SNX8: variants seen among roughly 807,000 people sequenced by gnomAD.
The protein encoded by SNX8 is sorting nexin 8.
In SNX8, 25 loss-of-function variants were observed where a neutral mutation model predicts 51.6. That is an observed-to-expected ratio of 0.48 (90% CI 0.35 to 0.68). SNX8 has a LOEUF of 0.68. Among genes scored for constraint, SNX8 ranks in the 30% least tolerant of loss-of-function variants. The pLI is 0.00. For missense variants in SNX8, 695 were observed against 624.0 expected, an observed-to-expected ratio of 1.11 and a Z score of -1.21; for synonymous variants, 324 against 277.0, an observed-to-expected ratio of 1.17 and a Z score of -1.68.
At chr7:2,259,780 TTC>T (rs984661199) in intron 7 of SNX8, among the ~76,000 whole-genome samples, 2 of 152,256 alleles carry the variant, frequency 1.3e-5, no homozygotes, top group African/African-American at 4.8e-5. Flanking sequence ...TGTAGGCTTA[TTC>T]CCTGGCCCAG....
Position 2,278,259 on chromosome 7 carries a change from C to G in SNX8, c.141G>C (p.Gln47His), listed in dbSNP as rs570348865. Residue 47 changes from glutamine (Q) to histidine (H), a missense_variant, in exon 2 of 11, where the codon CAG becomes CAC. Coordinates refer to ENST00000222990, the MANE Select transcript of SNX8 (RefSeq NM_013321.4). ...QAIEPQAIVQ[Q>H]VPAPSRMQMP... Reference sequence around the variant, plus strand: ...TCTGCATTCGACTGGGGGCTGGGACCTGCTGCACGATGGCCTGGGGCTCGA... The same window carrying G: ...TCTGCATTCGACTGGGGGCTGGGACGTGCTGCACGATGGCCTGGGGCTCGA... 4.4e-6 allele frequency: 7 copies of G among 1,604,650 alleles called. No homozygotes were observed. Among genetic ancestry groups the G allele is most frequent in the African/African-American group, 1.3e-5 (1 of 74,796 alleles).
At chr7:2,282,345 G>A (rs181583500) in intron 1 of SNX8, among the ~76,000 whole-genome samples, 22 of 152,326 alleles carry the variant, frequency 1.4e-4, no homozygotes, top group Non-Finnish European at 2.8e-4. Flanking sequence ...AACTGTGAGA[G>A]GGGGCTGGGC....
intron 1 of SNX8, among the ~76,000 whole-genome samples, chr7:2,345,680 C>CA (rs1236506340): frequency 0.42 from 59,092 of 139,962 alleles, 14,116 homozygotes; most frequent in East Asian, 0.61. Context: ...AGAATCCGTC[C>CA]AAAAAAAAAA....
At chr7:2,323,514 G>A (rs929433187) in intron 1 of SNX8, among the ~76,000 whole-genome samples, 6 of 152,008 alleles carry the variant, frequency 3.9e-5, no homozygotes, top group Admixed American at 1.3e-4. Flanking sequence ...GTCTGTCACC[G>A]GCATGCAGAG....
Position 2,314,416 on chromosome 7 carries a change from A to C in SNX8, c.6T>G (p.Thr2=), listed in dbSNP as rs1014327951. 84 of 1,215,918 alleles carry C rather than the reference A, an allele frequency of 6.9e-5. No homozygotes were observed. Among genetic ancestry groups the C allele is most frequent in the Admixed American group, 1.3e-4 (3 of 23,046 alleles). 75.3% of individuals were successfully genotyped at this position (1,215,918 alleles called of 1,614,324 possible). Residue 2 remains threonine, a synonymous_variant, in exon 1 of 11, where the codon ACT becomes ACG. Transcript: ENST00000222990. ...CGGGCAGCGGGTCCATCGCGCGGCC[A>C]GTCATGTGAGCCCGCGCTCCCACGT... M[T]GRAMDPLPAA... is the part of the protein sequence containing the mutation.
chr7:2,324,919 C>T (rs995516363), intron 1 of SNX8, among the ~76,000 whole-genome samples: 2 of 147,908 alleles, frequency 1.4e-5, no homozygotes, highest in Non-Finnish European at 2.9e-5. Context: ...GATCCTCCTT[C>T]CTCAGCCTGC....
chr7:2,298,291 A>AT (rs1171149894), intron 1 of SNX8, among the ~76,000 whole-genome samples: 2 of 151,462 alleles, frequency 1.3e-5, no homozygotes, highest in East Asian at 1.9e-4. Context: ...CTAACTTTTT[A>AT]TTTTTTTTGT....
At chr7:2,297,221 ACT>A (rs1342041698) in intron 1 of SNX8, among the ~76,000 whole-genome samples, 1 of 151,858 alleles carries the variant, frequency 6.6e-6, no homozygotes, top group Non-Finnish European at 1.5e-5. Context: ...CAGTAGTCCC[ACT>A]ACTGGGTAAT....
At chr7:2,348,431 T>C (rs373298500) in intron 1 of SNX8, among the ~76,000 whole-genome samples, 90 of 149,854 alleles carry the variant, frequency 6.0e-4, no homozygotes, top group East Asian at 4.2e-3. Context: ...AGCTCCGCCT[T>C]CCGGGTTCAC....
intron 4 of SNX8, 33 bp downstream of exon 4, chr7:2,271,817 G>T (rs1381708437): frequency 1.3e-6 from 2 of 1,574,844 alleles, no homozygotes; most frequent in East Asian, 2.3e-5. Context: ...GGACTCCCCG[G>T]GGCCGGGACA....
chr7:2,268,935 G>A (rs1176787080), intron 5 of SNX8, among the ~76,000 whole-genome samples: 15 of 126,808 alleles, frequency 1.2e-4, no homozygotes, highest in East Asian at 4.6e-4. Flanking sequence ...CTGGCCAGCC[G>A]CCCCGTCCGG....
At chr7:2,297,550 CAAAAAAAAAAAAAAAA>C (rs145543350) in intron 1 of SNX8, among the ~76,000 whole-genome samples, 1 of 40,254 alleles carries the variant, frequency 2.5e-5, no homozygotes, top group African/African-American at 1.1e-4. Context: ...AACCCCGCCG[CAAAAAAAAAAAAAAAA>C]AAAAAAAAAA....
intron 1 of SNX8, among the ~76,000 whole-genome samples, chr7:2,310,999 C>A (rs781379632): frequency 6.6e-6 from 1 of 152,186 alleles, no homozygotes; most frequent in African/African-American, 2.4e-5. Context: ...ACTTAATCTA[C>A]AATGTTCTAT....
intron 1 of SNX8, among the ~76,000 whole-genome samples, chr7:2,309,196 A>T (rs1796611628): frequency 1.3e-5 from 2 of 152,070 alleles, no homozygotes; most frequent in Admixed American, 6.6e-5. Flanking sequence ...AAGTGTTAGG[A>T]TTACAGGTGT....
intron 1 of SNX8, among the ~76,000 whole-genome samples, chr7:2,330,278 C>T (rs1385511461): frequency 6.6e-6 from 1 of 150,976 alleles, no homozygotes; most frequent in African/African-American, 2.4e-5. Context: ...GCTGGGATTA[C>T]AGGTGCCCGC....
chr7:2,267,304 C>T (rs1795488909), intron 5 of SNX8, among the ~76,000 whole-genome samples: 1 of 136,556 alleles, frequency 7.3e-6, no homozygotes, highest in Admixed American at 7.3e-5. Context: ...CCTTGGCCCT[C>T]TCCCTCCCCC....
intron 9 of SNX8, 87 bp downstream of exon 9, chr7:2,257,278 G>C: frequency 6.8e-7 from 1 of 1,463,900 alleles, no homozygotes; most frequent in Non-Finnish European, 9.2e-7. Flanking sequence ...AGCCAACCCA[G>C]GGGAGCCCAC....
chr7:2,278,451 CTAGG>C, intron 1 of SNX8, 146 bp from the exon 2 acceptor site: 1 of 580,612 alleles, frequency 1.7e-6, no homozygotes, highest in East Asian at 2.9e-5. Context: ...CAAGACCAGC[CTAGG>C]TAATATGGTG....
At chr7:2,334,958 G>A (rs985370288) in intron 1 of SNX8, among the ~76,000 whole-genome samples, 2 of 151,714 alleles carry the variant, frequency 1.3e-5, no homozygotes, top group African/African-American at 4.8e-5. Context: ...CAATTTGGGA[G>A]GCCAAGGTGG....
Sources: allele counts gnomAD v4.1 joint callset (sites outside exome capture counted in the v4.1 genomes callset), GRCh38; gene constraint gnomAD v4.1.1; transcripts MANE v1.5; gene names NCBI Gene and HGNC (gene_info 2026-07-23, HGNC 2026-07-21).